SUPT16H: variants seen among roughly 807,000 people sequenced by gnomAD.
SUPT16H encodes the protein SPT16 homolog, facilitates chromatin remodeling subunit.
A neutral mutation model predicts 136.2 loss-of-function variants in SUPT16H; 24 were observed. The observed-to-expected ratio is 0.18, with a 90% CI of 0.13 to 0.25. The LOEUF is 0.25. SUPT16H is among the 10% of genes least tolerant of loss of function. The pLI is 1.00. For synonymous variants in SUPT16H, 415 were observed against 428.2 expected (o/e 0.97, Z 0.38); for missense variants, 623 against 1,270.2 (o/e 0.49, Z 7.74).
At chr14:21,357,551 A>G (rs552312670) in intron 21 of SUPT16H, among the ~76,000 whole-genome samples, 185 bp from the exon 22 acceptor site, 18 of 152,274 alleles carry the variant, frequency 1.2e-4, no homozygotes, top group African/African-American at 4.3e-4. Flanking sequence ...TGCAAGATAC[A>G]AAAATCATCC....
Position 21,362,667 on chromosome 14 carries a change from C to T in SUPT16H, c.1665+127G>A, listed in dbSNP as rs1182518579. 17 of 1,100,646 alleles carry T rather than the reference C, an allele frequency of 1.5e-5. No individual in the cohort carries two copies. The East Asian group carries it at 3.0e-4, about 19-fold the overall frequency. The allele number at this position is 1,100,646 out of a possible 1,614,324, so 68.2% of individuals were successfully genotyped here. On this transcript the variant is annotated intron_variant, in intron 14 of 25. Coordinates refer to ENST00000216297, the MANE Select transcript of SUPT16H (RefSeq NM_007192.4). ...GAGAATGACAAGACAAGAGGGATGTCAGTAACTGAACAGAGTCTGAAGGAG... is the reference window on the plus strand; with the variant it reads ...GAGAATGACAAGACAAGAGGGATGTTAGTAACTGAACAGAGTCTGAAGGAG...
chr14:21,351,836 T>A lies in SUPT16H; in HGVS notation c.*837A>T, dbSNP rs1167361719. ...CTCTTCTCTTTTCTCATCAGGGTAT[T>A]CTAGGCCCAAGGCATGACTTGTCCC... On this transcript the variant is annotated 3_prime_UTR_variant, in exon 26 of 26. Coordinates refer to ENST00000216297, the MANE Select transcript of SUPT16H (RefSeq NM_007192.4). The A allele has an allele frequency of 6.5e-6, 1 of 152,896 alleles. No homozygotes were observed. The highest frequency in any genetic ancestry group is 2.4e-5 in the African/African-American group (1 of 41,470). 9.5% of individuals were successfully genotyped at this position (152,896 alleles called of 1,614,324 possible).
chr14:21,361,311 CTTTT>C (rs35486887), intron 15 of SUPT16H, 98 bp from the exon 16 acceptor site: 2,974 of 459,914 alleles, frequency 6.5e-3, no homozygotes, highest in Middle Eastern at 0.013. Flanking sequence ...CTCTACTTTG[CTTTT>C]TTTTTTTTTT....
chr14:21,359,630 G>A (rs756636234), intron 18 of SUPT16H, 21 bp from the exon 19 acceptor site: 1 of 1,610,110 alleles, frequency 6.2e-7, no homozygotes, highest in South Asian at 1.1e-5. Flanking sequence ...AAAACAGAAA[G>A]AACACAGAAG....
intron 23 of SUPT16H, 39 bp from the exon 24 acceptor site, chr14:21,353,871 T>A (rs1386534531): frequency 6.3e-7 from 1 of 1,577,124 alleles, no homozygotes; most frequent in Non-Finnish European, 8.6e-7. Context: ...TTTTTTGACA[T>A]TTACCTTATT....
intron 25 of SUPT16H, 150 bp downstream of exon 25, chr14:21,353,338 C>T (rs1224141442): frequency 2.7e-6 from 2 of 734,746 alleles, no homozygotes; most frequent in Admixed American, 5.5e-5. Context: ...CTCCTTCAGT[C>T]AATGAAGTTG....
chr14:21,353,749 T>C lies in SUPT16H; in HGVS notation c.2874A>G (p.Glu958=). The C allele has an allele frequency of 6.2e-7, 1 of 1,614,076 alleles. No homozygotes were observed. The highest frequency in any genetic ancestry group is 8.5e-7 in the Non-Finnish European group (1 of 1,179,980). ...AATAATCTTCATCACTGTCCTCCTC[T>C]TCCTCTTCATAGTCATCTTCTGAAG... ...FNPSEDDYEE[E]EEDSDEDYSS... Residue 958 remains glutamate, a synonymous_variant, in exon 24 of 26, where the codon GAA becomes GAG. Transcript: ENST00000216297.
At position 21,384,000 on chromosome 14, in the gene SUPT16H, C is replaced by G; in HGVS notation, c.-73G>C. 1 of 1,575,474 alleles carries G rather than the reference C, an allele frequency of 6.3e-7. No individual in the cohort carries two copies. The highest frequency in any genetic ancestry group is 8.7e-7 in the Non-Finnish European group (1 of 1,146,764). On this transcript the variant is annotated 5_prime_UTR_variant, in exon 1 of 26. Transcript: ENST00000216297. ...CCGGCTCAGCCACCCGCTCTCGGCC[C>G]AGGAATCCCGCACTCTCCCAATGAC...
chr14:21,381,404 A>C (rs1887019847), intron 1 of SUPT16H, among the ~76,000 whole-genome samples: 1 of 152,178 alleles, frequency 6.6e-6, no homozygotes, highest in Non-Finnish European at 1.5e-5. Flanking sequence ...AAAGCTTAGT[A>C]GCCTATCAGT....
At chr14:21,364,521 T>G (rs896801349) in intron 10 of SUPT16H, among the ~76,000 whole-genome samples, 1 of 152,364 alleles carries the variant, frequency 6.6e-6, no homozygotes, top group East Asian at 1.9e-4. Flanking sequence ...TTGTATAGTA[T>G]GTGAATTGTA....
intron 19 of SUPT16H, among the ~76,000 whole-genome samples, chr14:21,358,643 C>G (rs536595647): frequency 6.6e-6 from 1 of 152,284 alleles, no homozygotes; most frequent in South Asian, 2.1e-4. Flanking sequence ...GCCCTTCATT[C>G]TCTCGTAACT....
intron 15 of SUPT16H, 82 bp from the exon 16 acceptor site, chr14:21,361,295 C>G (rs1886546626): frequency 2.3e-6 from 3 of 1,285,598 alleles, no homozygotes; most frequent in African/African-American, 3.1e-5. Context: ...TTCTAAGCAG[C>G]TTAATCTCTA....
intron 1 of SUPT16H, 110 bp downstream of exon 1, chr14:21,383,752 C>T (rs1028460573): frequency 7.8e-7 from 1 of 1,276,112 alleles, no homozygotes; most frequent in Admixed American, 1.7e-5. Context: ...AAGGGTGAGG[C>T]ACAGAACCCG....
At chr14:21,378,083 G>A (rs543176478) in intron 1 of SUPT16H, among the ~76,000 whole-genome samples, 1 of 152,226 alleles carries the variant, frequency 6.6e-6, no homozygotes, top group African/African-American at 2.4e-5. Flanking sequence ...GGGGGTGGAA[G>A]TGGGGAGTGA....
intron 5 of SUPT16H, 68 bp from the exon 6 acceptor site, chr14:21,369,423 T>C: frequency 6.3e-7 from 1 of 1,578,574 alleles, no homozygotes; most frequent in East Asian, 2.2e-5. Context: ...GTGGACACTA[T>C]GATTTGAAGA....
intron 10 of SUPT16H, 99 bp downstream of exon 10, chr14:21,364,728 T>A: frequency 1.0e-6 from 1 of 980,024 alleles, no homozygotes; most frequent in Non-Finnish European, 1.6e-6. Flanking sequence ...TTCTTCCCCT[T>A]AGCTAGCATT....
intron 16 of SUPT16H, 22 bp from the exon 17 acceptor site, chr14:21,360,994 G>C (rs767339632): frequency 1.2e-6 from 2 of 1,612,036 alleles, no homozygotes; most frequent in Non-Finnish European, 1.7e-6. Flanking sequence ...GAAAATTAAT[G>C]TGAATTGTCA....
At chr14:21,381,786 CTT>C (rs5807076) in intron 1 of SUPT16H, among the ~76,000 whole-genome samples, 3 of 132,392 alleles carry the variant, frequency 2.3e-5, no homozygotes, top group Admixed American at 7.9e-5. Context: ...ATTTATTTGC[CTT>C]TTTTTTTTTT....
chr14:21,360,744 T>G, intron 17 of SUPT16H, 102 bp downstream of exon 17: 1 of 1,500,454 alleles, frequency 6.7e-7, no homozygotes, highest in Non-Finnish European at 9.0e-7. Flanking sequence ...CCAACTGAGC[T>G]AACCGGCGGA....
Sources: allele counts gnomAD v4.1 joint callset (sites outside exome capture counted in the v4.1 genomes callset), GRCh38; gene constraint gnomAD v4.1.1; transcripts MANE v1.5; gene names NCBI Gene and HGNC (gene_info 2026-07-23, HGNC 2026-07-21).